The following FRMD6 variants were observed in gnomAD, a reference collection of about 807,000 sequenced individuals.
The protein encoded by FRMD6 is FERM domain-containing protein 6.
A neutral mutation model predicts 73.2 loss-of-function variants in FRMD6; 37 were observed. The ratio of observed to expected loss-of-function variants is 0.51; its 90% CI spans 0.39 to 0.66. The LOEUF (loss-of-function observed/expected upper bound fraction) is 0.66, where lower values mean the gene tolerates loss of function less well. Ranked by LOEUF, FRMD6 falls within the 30% of genes least tolerant of loss-of-function variation. FRMD6 has a pLI of 0.00. For missense variants in FRMD6, 714 were observed against 780.5 expected, an observed-to-expected ratio of 0.91 and a Z score of 1.02; for synonymous variants, 273 against 282.2, an observed-to-expected ratio of 0.97 and a Z score of 0.33.
intron 2 of FRMD6, among the ~76,000 whole-genome samples, chr14:51,576,559 A>G (rs1888415221): frequency 6.6e-6 from 1 of 152,122 alleles, no homozygotes; most frequent in Non-Finnish European, 1.5e-5. Context: ...CTTCTGTGAC[A>G]GAGCTTCTCT....
chr14:51,515,179 T>C (rs1884555072), intron 1 of FRMD6, among the ~76,000 whole-genome samples: 1 of 152,222 alleles, frequency 6.6e-6, no homozygotes, highest in East Asian at 1.9e-4. Flanking sequence ...GACCTCCTGC[T>C]TCTTGGTTCT....
At chr14:51,686,066 A>G (rs1895128911) in intron 1 of FRMD6, among the ~76,000 whole-genome samples, 1 of 152,132 alleles carries the variant, frequency 6.6e-6, no homozygotes, top group African/African-American at 2.4e-5. Context: ...TTTTTAAGAG[A>G]CAGTCCTAGA....
the FRMD6 span, among the ~76,000 whole-genome samples, chr14:51,450,317 G>A: frequency 9.9e-5 from 15 of 152,178 alleles, no homozygotes; most frequent in Non-Finnish European, 2.2e-4. Context: ...ATTACAGCAT[G>A]AAAATTTAGA....
At chr14:51,465,989 A>G in the FRMD6 span, among the ~76,000 whole-genome samples, 2 of 152,162 alleles carry the variant, frequency 1.3e-5, no homozygotes, top group Non-Finnish European at 2.9e-5. Flanking sequence ...TTTAAATTTT[A>G]GTTATTCTAA....
chr14:51,483,445 G>C, the FRMD6 span, among the ~76,000 whole-genome samples: 1 of 152,196 alleles, frequency 6.6e-6, no homozygotes, highest in Non-Finnish European at 1.5e-5. Flanking sequence ...AGGGAGTCTT[G>C]CATGAACAGA....
chr14:51,487,672 T>C (rs1293642300), upstream of FRMD6, among the ~76,000 whole-genome samples: 2 of 152,246 alleles, frequency 1.3e-5, no homozygotes, highest in Non-Finnish European at 2.9e-5. Flanking sequence ...TACAAATAAC[T>C]ATATTCAGAG....
the FRMD6 span, among the ~76,000 whole-genome samples, chr14:51,401,271 C>A: frequency 6.6e-6 from 1 of 152,160 alleles, no homozygotes; most frequent in Non-Finnish European, 1.5e-5. Flanking sequence ...GTGGCAATAG[C>A]AACAGTTCCA....
chr14:51,496,537 A>C (rs989935222), intron 1 of FRMD6, among the ~76,000 whole-genome samples: 11 of 152,208 alleles, frequency 7.2e-5, no homozygotes, highest in Admixed American at 6.5e-4. Flanking sequence ...AGGACAGTGC[A>C]ATGTTCTCAG....
chr14:51,463,521 A>G, the FRMD6 span, among the ~76,000 whole-genome samples: 1 of 152,228 alleles, frequency 6.6e-6, no homozygotes. Context: ...ATGAATATGG[A>G]GGGCCAATTG....
At chr14:51,485,749 T>TA (rs1180758524), upstream of FRMD6, among the ~76,000 whole-genome samples, 1 of 152,252 alleles carries the variant, frequency 6.6e-6, no homozygotes, top group African/African-American at 2.4e-5. Context: ...CATGGCTCGG[T>TA]TGAAGATTAT....
intron 1 of FRMD6, among the ~76,000 whole-genome samples, chr14:51,497,677 A>C (rs1250592573): frequency 1.3e-5 from 2 of 152,244 alleles, no homozygotes; most frequent in Non-Finnish European, 2.9e-5. Flanking sequence ...CTGTATAAAA[A>C]TTATTGAGAT....
chr14:51,446,206 A>G, the FRMD6 span, among the ~76,000 whole-genome samples: 9 of 152,240 alleles, frequency 5.9e-5, no homozygotes, highest in African/African-American at 2.2e-4. Flanking sequence ...CATGATCTGC[A>G]TCGCAGCAGA....
At chr14:51,530,467 T>C (rs1186330652) in intron 1 of FRMD6, among the ~76,000 whole-genome samples, 1 of 152,190 alleles carries the variant, frequency 6.6e-6, no homozygotes, top group Non-Finnish European at 1.5e-5. Flanking sequence ...TATTTATTTA[T>C]TTGTGAGTTA....
chr14:51,464,582 G>T, the FRMD6 span, among the ~76,000 whole-genome samples: 6 of 152,092 alleles, frequency 3.9e-5, no homozygotes, highest in African/African-American at 1.4e-4. Context: ...AGGAGAACTG[G>T]GTTAGCAAAA....
rs1894464826 is a variant in FRMD6, at chr14:51,677,386, TC to T, written c.-146-12303del. Among the ~76,000 whole-genome samples, 12 of 152,032 alleles carry T rather than the reference TC, an allele frequency of 7.9e-5. 1 individual carries two copies. The South Asian group carries it at 2.5e-3, about 32-fold the overall frequency. ...AAGTCATTATCTAGAAAACTGCAGT[TC>T]CTGTGTCAGAGGGAATTGAGTGCAA... is the stretch of plus-strand genomic sequence containing the variant. On this transcript the variant is annotated intron_variant, in intron 1 of 13. Transcript: ENST00000344768.
intron 1 of FRMD6, among the ~76,000 whole-genome samples, chr14:51,509,593 C>T (rs1268512029): frequency 1.3e-5 from 2 of 152,074 alleles, no homozygotes; most frequent in East Asian, 3.8e-4. Flanking sequence ...CAAAGGTTTG[C>T]CACCAGTAAC....
At chr14:51,616,021 T>A (rs1252684142) in intron 2 of FRMD6, among the ~76,000 whole-genome samples, 3 of 152,128 alleles carry the variant, frequency 2.0e-5, no homozygotes, top group Non-Finnish European at 2.9e-5. Context: ...GATTAGATCT[T>A]GGAAGATATG....
At chr14:51,535,772 A>C (rs1198007179) in intron 1 of FRMD6, among the ~76,000 whole-genome samples, 1 of 152,100 alleles carries the variant, frequency 6.6e-6, no homozygotes, top group African/African-American at 2.4e-5. Flanking sequence ...ACACTGACAA[A>C]CTTTCCCAAA....
At chr14:51,459,062 G>T in the FRMD6 span, among the ~76,000 whole-genome samples, 1 of 152,232 alleles carries the variant, frequency 6.6e-6, no homozygotes, top group Non-Finnish European at 1.5e-5. Flanking sequence ...GCAGCGTAGT[G>T]AAGTGCTGAA....
Sources: gnomAD v4.1 joint callset for allele counts (sites outside exome capture counted in the v4.1 genomes callset) on GRCh38, gnomAD v4.1.1 for gene constraint, MANE v1.5 for transcripts, NCBI Gene and HGNC (gene_info 2026-07-23, HGNC 2026-07-21) for gene names.